The following ELK4 variants were observed in gnomAD, a reference collection of about 807,000 sequenced individuals.
ELK4 encodes ETS domain-containing protein Elk-4.
Under a neutral mutation model 29.6 loss-of-function variants are expected in ELK4, and 16 were observed. The ratio of observed to expected loss-of-function variants is 0.54; its 90% confidence interval spans 0.37 to 0.82. The LOEUF (loss-of-function observed/expected upper bound fraction) is 0.82, where lower values mean the gene tolerates loss of function less well. Ranked by LOEUF, ELK4 falls within the 40% of genes least tolerant of loss-of-function variation. The probability of loss-of-function intolerance (pLI) is 0.00; values close to 1 mark genes in which losing one functional copy is unlikely to be tolerated. For synonymous variants in ELK4, 213 were observed against 191.1 expected (o/e 1.11, Z -0.95); for missense variants, 465 against 507.1 (o/e 0.92, Z 0.80).
chr1:205,623,080 C>T (rs2102381302), intron 2 of ELK4, among the ~76,000 whole-genome samples: 1 of 150,854 alleles, frequency 6.6e-6, no homozygotes, highest in South Asian at 2.1e-4. Flanking sequence ...ATAGCTTGAA[C>T]CCTGGAGGCA....
At chr1:205,630,425 G>A (rs187789094) in intron 1 of ELK4, among the ~76,000 whole-genome samples, 2 of 152,248 alleles carry the variant, frequency 1.3e-5, no homozygotes, top group East Asian at 3.9e-4. Context: ...GTGACCCATA[G>A]CCCAACTATT....
At chr1:205,627,290 A>G (rs936692665) in intron 1 of ELK4, among the ~76,000 whole-genome samples, 1 of 152,130 alleles carries the variant, frequency 6.6e-6, no homozygotes, top group Admixed American at 6.6e-5. Flanking sequence ...TGGGCTGATC[A>G]CAAGGTCAGA....
In ELK4 at chr1:205,616,561, G is replaced by A. The variant is rs781768393; in HGVS notation, c.1281C>T (p.Asp427=). ...AGTGCATAGGTTATGTCTTCTGTAGGTCTGGGGAAAATGGGCCAGGGGTGG... is the reference window on the plus strand; with the variant it reads ...AGTGCATAGGTTATGTCTTCTGTAGATCTGGGGAAAATGGGCCAGGGGTGG... ...GPSTPGPFSP[D]LQKT is the part of the protein sequence containing the mutation. Residue 427 remains aspartate, a synonymous_variant, in exon 5 of 5, where the codon GAC becomes GAT. Coordinates refer to ENST00000357992, the MANE Select transcript of ELK4 (RefSeq NM_001973.4). 8.1e-6 allele frequency: 13 copies of A among 1,614,014 alleles called. No homozygotes were observed. The East Asian group carries it at 2.7e-4, about 33-fold the overall frequency.
chr1:205,623,962 C>G, intron 1 of ELK4, 71 bp from the exon 2 acceptor site: 2 of 1,359,994 alleles, frequency 1.5e-6, no homozygotes, highest in Non-Finnish European at 2.1e-6. Context: ...ATGTCATGCA[C>G]TGTTTTAAGT....
intron 1 of ELK4, among the ~76,000 whole-genome samples, chr1:205,626,422 G>A (rs1213249793): frequency 1.3e-5 from 2 of 152,122 alleles, no homozygotes; most frequent in African/African-American, 2.4e-5. Context: ...CACATCCAGT[G>A]ATTGTTTCAG....
intron 1 of ELK4, among the ~76,000 whole-genome samples, chr1:205,624,109 G>C (rs1485217786): frequency 6.6e-6 from 1 of 152,174 alleles, no homozygotes; most frequent in Non-Finnish European, 1.5e-5. Context: ...GTGAAGCTAA[G>C]ATCTAAGCCC....
chr1:205,623,153 G>A (rs1206513349), intron 2 of ELK4, among the ~76,000 whole-genome samples: 41 of 110,918 alleles, frequency 3.7e-4, no homozygotes, highest in African/African-American at 7.1e-4. Flanking sequence ...GTAAGACTCC[G>A]TCTCAAAAAA....
At chr1:205,620,951 C>G in intron 2 of ELK4, 113 bp from the exon 3 acceptor site, 1 of 1,208,988 alleles carries the variant, frequency 8.3e-7, no homozygotes, top group South Asian at 1.6e-5. Context: ...AATCCCAGCA[C>G]TTTGGAAGGC....
Position 205,620,269 on chromosome 1 carries a change from G to A in ELK4, c.777C>T (p.Pro259=), listed in dbSNP as rs564026662. 125 of 1,614,184 alleles carry A rather than the reference G, an allele frequency of 7.7e-5. No homozygotes were observed. The South Asian group carries it at 1.1e-3, about 15-fold the overall frequency. ...FATTPPISSI[P]PLQEPPRTPS... ...GTGTTCTGGGAGGTTCCTGCAAAGG[G>A]GGTATGGACGAAATGGGTGGTGTGG... is the stretch of plus-strand genomic sequence containing the variant. Residue 259 remains proline, a synonymous_variant, in exon 3 of 5, where the codon CCC becomes CCT. Coordinates refer to ENST00000357992, the MANE Select transcript of ELK4 (RefSeq NM_001973.4).
chr1:205,619,808 G>A (rs767765456), intron 3 of ELK4, 158 bp downstream of exon 3: 5 of 1,546,662 alleles, frequency 3.2e-6, no homozygotes, highest in Admixed American at 2.0e-5. Flanking sequence ...TCCTAATTAA[G>A]ATGAGAAATG....
intron 1 of ELK4, among the ~76,000 whole-genome samples, chr1:205,631,401 A>G (rs1353621432): frequency 6.3e-5 from 1 of 15,752 alleles, no homozygotes; most frequent in African/African-American, 2.2e-4. Context: ...CGCCCACGAG[A>G]CTTCGGGGGA....
At position 205,614,819 on chromosome 1, in the gene ELK4, G is replaced by A. The variant is rs572831902; in HGVS notation, c.*1727C>T. ...ATGTGATTCTACAGGATTAGAAGAC[G>A]AGTTTAACCGGTGGGAGAGATTGGT... On this transcript the variant is annotated 3_prime_UTR_variant, in exon 5 of 5. Coordinates refer to ENST00000357992, the MANE Select transcript of ELK4 (RefSeq NM_001973.4). The A allele has an allele frequency of 8.8e-5, 20 of 226,776 alleles. No homozygotes were observed. Among genetic ancestry groups the A allele is most frequent in the East Asian group, 7.0e-4 (11 of 15,804 alleles). 14.0% of individuals were successfully genotyped at this position (226,776 alleles called of 1,614,324 possible).
At chr1:205,616,803 CA>C (rs1198016854) in intron 4 of ELK4, among the ~76,000 whole-genome samples, 159 bp from the exon 5 acceptor site, 2 of 152,170 alleles carry the variant, frequency 1.3e-5, no homozygotes, top group African/African-American at 4.8e-5. Context: ...GATGTCATAA[CA>C]AAAACTAGAA....
intron 1 of ELK4, chr1:205,625,692 TTTG>T: frequency 1.2e-6 from 1 of 800,748 alleles, no homozygotes; most frequent in Non-Finnish European, 2.2e-6. Flanking sequence ...TTTTTTTTTT[TTTG>T]TGAGATGGAG....
At chr1:205,631,467 T>G (rs1029471681) in intron 1 of ELK4, among the ~76,000 whole-genome samples, 165 bp downstream of exon 1, 1 of 150,432 alleles carries the variant, frequency 6.6e-6, no homozygotes, top group East Asian at 2.0e-4. Context: ...TGCGCCGCGG[T>G]GCCCGGCGGG....
intron 1 of ELK4, among the ~76,000 whole-genome samples, chr1:205,629,835 T>C (rs999400998): frequency 9.9e-5 from 15 of 152,126 alleles, no homozygotes; most frequent in East Asian, 1.9e-4. Context: ...AGGGGGGAGC[T>C]TGAGCTCAGG....
At chr1:205,625,678 T>G (rs558567331) in intron 1 of ELK4, 87 of 809,540 alleles carry the variant, frequency 1.1e-4, no homozygotes, top group South Asian at 3.4e-4. Context: ...TGCTGCTGCT[T>G]CTTTTTTTTT....
At position 205,630,313 on chromosome 1, in the gene ELK4, AG is replaced by A. The variant is rs550078829; in HGVS notation, c.-10+1318del. 7.8e-4 allele frequency among the ~76,000 whole-genome samples: 119 copies of A among 152,346 alleles called. 1 individual carries two copies. In the South Asian group the frequency reaches 0.021, roughly 27 times the overall value. The stretch of plus-strand genomic sequence containing the variant: ...AGACCAATCCCTGTCCTAAATTGAA[AG>A]GGAGCATGTTGAAGTAATGTATTAA... On this transcript the variant is annotated intron_variant, in intron 1 of 4. Transcript: ENST00000357992.
Position 205,623,867 on chromosome 1 carries a change from T to G in ELK4, c.16A>C (p.Thr6Pro), listed in dbSNP as rs760014099. Reference sequence around the variant, plus strand: ...AGCTGAAGAAGGAACTGCCACAGGGTGATAGCACTGTCCATAGCAATGAGC... The same window carrying G: ...AGCTGAAGAAGGAACTGCCACAGGGGGATAGCACTGTCCATAGCAATGAGC... MDSAI[T>P]LWQFLLQLLQ... The change falls in exon 2 of 5, where the codon ACC becomes CCC. Residue 6 changes from threonine (T) to proline (P), a missense_variant. This residue lies in a region of ELK4 where 385 missense variants were observed against 387.5 expected (regional missense o/e 0.99). Transcript: ENST00000357992. 3 of 1,613,956 alleles carry G rather than the reference T, an allele frequency of 1.9e-6. No individual in the cohort carries two copies. In the African/African-American group the frequency reaches 4.0e-5, roughly 22 times the overall value.
Sources: gnomAD v4.1 joint callset for allele counts (sites outside exome capture counted in the v4.1 genomes callset) on GRCh38, gnomAD v4.1.1 for gene constraint, gnomAD v4.1.1 regional missense constraint, MANE v1.5 for transcripts, NCBI Gene and HGNC (gene_info 2026-07-23, HGNC 2026-07-21) for gene names.